MRTFA: variants seen among roughly 807,000 people sequenced by gnomAD.
The protein encoded by MRTFA is myocardin-related transcription factor A.
Under a neutral mutation model 83.5 loss-of-function variants are expected in MRTFA, and 20 were observed. The ratio of observed to expected loss-of-function variants is 0.24; its 90% CI spans 0.17 to 0.35. The LOEUF (loss-of-function observed/expected upper bound fraction) is 0.35. MRTFA is among the 10% of genes least tolerant of loss of function. MRTFA has a pLI of 1.00. For missense variants in MRTFA, 1,200 were observed against 1,224.7 expected, an observed-to-expected ratio of 0.98 and a Z score of 0.30; for synonymous variants, 659 against 541.2, an observed-to-expected ratio of 1.22 and a Z score of -3.02.
chr22:40,417,091 G>C (rs1380794174), intron 13 of MRTFA, 45 bp from the exon 14 acceptor site: 4 of 1,543,410 alleles, frequency 2.6e-6, no homozygotes, highest in East Asian at 4.8e-5. Context: ...AATCTTGAAT[G>C]GGGGCTCCCA....
intron 4 of MRTFA, among the ~76,000 whole-genome samples, chr22:40,442,436 A>G (rs1471860509): frequency 6.6e-6 from 1 of 152,230 alleles, no homozygotes; most frequent in East Asian, 1.9e-4. Context: ...ATATACACAG[A>G]ACATCAATGA....
At chr22:40,601,317 T>C (rs1399311626) in intron 1 of MRTFA, among the ~76,000 whole-genome samples, 1 of 152,164 alleles carries the variant, frequency 6.6e-6, no homozygotes, top group East Asian at 1.9e-4. Flanking sequence ...TTGGCTCAAG[T>C]GCTCCTCCCT....
Position 40,529,574 on chromosome 22 carries a change from C to T in MRTFA, c.241+22532G>A, listed in dbSNP as rs569704461. Among the ~76,000 whole-genome samples the T allele has an allele frequency of 5.5e-4, 84 of 152,214 alleles. 3 individuals carry two copies. In the South Asian group the frequency reaches 0.015, roughly 26 times the overall value. ...TCAAGTGATTTGCCCACTTCAGCTT[C>T]CCAAAGTGCTGAAGAAATATTTTTA... On this transcript the variant is annotated intron_variant, in intron 3 of 14. Coordinates refer to ENST00000355630, the MANE Select transcript of MRTFA (RefSeq NM_020831.6).
Position 40,418,680 on chromosome 22 carries a change from C to A in MRTFA, c.2058G>T (p.Leu686=). 6.7e-7 allele frequency: 1 copy of A among 1,494,426 alleles called. No individual in the cohort carries two copies. The highest frequency in any genetic ancestry group is 8.8e-7 in the Non-Finnish European group (1 of 1,134,770). 92.6% of individuals were successfully genotyped at this position (1,494,426 alleles called of 1,614,324 possible). ...GAGCGGGGCCCAGGGGCTGCTGGCT[C>A]AGCTGGCAGCTGGAGAAGCTGTTCT... Residue 686 remains leucine (L), a synonymous_variant, in exon 12 of 15, where the codon CTG becomes CTT. Coordinates refer to ENST00000355630, the MANE Select transcript of MRTFA (RefSeq NM_020831.6).
chr22:40,574,544 C>T (rs1244228063), intron 2 of MRTFA, among the ~76,000 whole-genome samples: 1 of 151,690 alleles, frequency 6.6e-6, no homozygotes, highest in Non-Finnish European at 1.5e-5. Context: ...AAGCTATTCT[C>T]GTGCCTCAGC....
intron 1 of MRTFA, among the ~76,000 whole-genome samples, chr22:40,621,227 A>C (rs1340149565): frequency 6.6e-6 from 1 of 151,988 alleles, no homozygotes; most frequent in Non-Finnish European, 1.5e-5. Flanking sequence ...ATGTTGGACT[A>C]CCAAAATTCT....
chr22:40,442,430 A>G (rs1253366167), intron 4 of MRTFA, among the ~76,000 whole-genome samples: 1 of 152,232 alleles, frequency 6.6e-6, no homozygotes, highest in Non-Finnish European at 1.5e-5. Context: ...GGGAGCATAT[A>G]CACAGAACAT....
At position 40,417,461 on chromosome 22, in the gene MRTFA, G is replaced by A. The variant is rs1569249184; in HGVS notation, c.2397C>T (p.Ala799=). 10 of 1,596,456 alleles carry A rather than the reference G, an allele frequency of 6.3e-6. No individual in the cohort carries two copies. Among genetic ancestry groups the A allele is most frequent in the South Asian group, 2.3e-5 (2 of 88,730 alleles). ...GCTCCAGGTCCATCTGGGCAGAGGG[G>A]GCAGGCGCTGGAGAGCCAGGCTGGG... The change falls in exon 13 of 15, where the codon GCC becomes GCT. Residue 799 remains alanine (A), a synonymous_variant. Transcript: ENST00000355630.
chr22:40,600,846 C>G (rs1254479110), intron 1 of MRTFA, among the ~76,000 whole-genome samples: 2 of 151,988 alleles, frequency 1.3e-5, no homozygotes, highest in African/African-American at 4.8e-5. Context: ...GCCGTGGTGG[C>G]ACACGCCTGT....
chr22:40,419,484 G>T lies in MRTFA; in HGVS notation c.1354-100C>A, dbSNP rs962759868. ...CTGGGCCCCATGGGCCACTGCAGAT[G>T]CATCAACTACCCTAATCCTCCAGCA... On this transcript the variant is annotated intron_variant, in intron 11 of 14. Coordinates refer to ENST00000355630, the MANE Select transcript of MRTFA (RefSeq NM_020831.6). 9 of 1,049,612 alleles carry T rather than the reference G, an allele frequency of 8.6e-6. No homozygotes were observed. In the African/African-American group the frequency reaches 1.4e-4, roughly 17 times the overall value. The allele number at this position is 1,049,612 out of a possible 1,614,324, so 65.0% of individuals were successfully genotyped here.
chr22:40,575,268 T>C (rs1235886256), intron 2 of MRTFA, among the ~76,000 whole-genome samples: 2 of 152,166 alleles, frequency 1.3e-5, no homozygotes. Context: ...GTTCAGCCCC[T>C]TGCATAGAGA....
Position 40,484,080 on chromosome 22 carries a change from T to A in MRTFA, c.242-20794A>T, listed in dbSNP as rs180747369. Among the ~76,000 whole-genome samples, 9 of 151,324 alleles carry A rather than the reference T, an allele frequency of 5.9e-5. No individual in the cohort carries two copies. In the South Asian group the frequency reaches 1.1e-3, roughly 18 times the overall value. ...GTGATTAAAAATTAGACCATATGGGTTGGGTTATAGATAGATAGATAATTA... is the reference window on the plus strand; with the variant it reads ...GTGATTAAAAATTAGACCATATGGGATGGGTTATAGATAGATAGATAATTA... On this transcript the variant is annotated intron_variant, in intron 3 of 14. Coordinates refer to ENST00000355630, the MANE Select transcript of MRTFA (RefSeq NM_020831.6).
At chr22:40,514,761 T>G (rs1251050255) in intron 3 of MRTFA, among the ~76,000 whole-genome samples, 1 of 151,986 alleles carries the variant, frequency 6.6e-6, no homozygotes, top group Non-Finnish European at 1.5e-5. Flanking sequence ...ATTACAGATG[T>G]GAGCCACCAC....
chr22:40,518,948 C>A (rs866007498), intron 3 of MRTFA, among the ~76,000 whole-genome samples: 1 of 150,492 alleles, frequency 6.6e-6, no homozygotes, highest in Non-Finnish European at 1.5e-5. Context: ...AGACATATGT[C>A]TCTTTTATGT....
chr22:40,499,913 C>T (rs948596750), intron 3 of MRTFA, among the ~76,000 whole-genome samples: 6 of 127,530 alleles, frequency 4.7e-5, no homozygotes, highest in African/African-American at 1.8e-4. Context: ...TTCAAGTAGA[C>T]CTTTTTTTTT....
At chr22:40,575,391 T>C (rs1444494577) in intron 2 of MRTFA, among the ~76,000 whole-genome samples, 3 of 152,328 alleles carry the variant, frequency 2.0e-5, no homozygotes, top group East Asian at 1.9e-4. Context: ...ATATAAAATA[T>C]TGAGATATGC....
chr22:40,582,182 T>C (rs1269403052), intron 2 of MRTFA, among the ~76,000 whole-genome samples: 8 of 152,260 alleles, frequency 5.3e-5, no homozygotes, highest in Admixed American at 5.2e-4. Flanking sequence ...TGGTCCTTTA[T>C]GACAGGCTTC....
At chr22:40,519,298 A>C (rs1332544567) in intron 3 of MRTFA, among the ~76,000 whole-genome samples, 1 of 152,118 alleles carries the variant, frequency 6.6e-6, no homozygotes, top group African/African-American at 2.4e-5. Context: ...TTTGAGGATA[A>C]AACTCAGGGC....
At chr22:40,485,495 T>TA (rs1157810263) in intron 3 of MRTFA, among the ~76,000 whole-genome samples, 1 of 151,620 alleles carries the variant, frequency 6.6e-6, no homozygotes, top group Non-Finnish European at 1.5e-5. Context: ...AGTATCAGAT[T>TA]AAAAAAAATC....
Sources: allele counts gnomAD v4.1 joint callset (sites outside exome capture counted in the v4.1 genomes callset), GRCh38; gene constraint gnomAD v4.1.1; transcripts MANE v1.5; gene names NCBI Gene and HGNC (gene_info 2026-07-23, HGNC 2026-07-21).